GPC5: variants seen among roughly 807,000 people sequenced by gnomAD.
GPC5 encodes the protein glypican 5.
In GPC5, 47 loss-of-function variants were observed where a neutral mutation model predicts 53.9. The observed-to-expected ratio is 0.87, with a 90% CI of 0.69 to 1.11. GPC5 has a LOEUF of 1.11. GPC5 is among the 50% of genes most tolerant of loss of function. The pLI, the probability that GPC5 is intolerant of heterozygous loss-of-function variation, is 0.00. For missense variants in GPC5, 748 were observed against 713.1 expected, an observed-to-expected ratio of 1.05 and a Z score of -0.56; for synonymous variants, 286 against 263.3, an observed-to-expected ratio of 1.09 and a Z score of -0.84.
At chr13:91,843,452 G>A (rs2038812848) in intron 5 of GPC5, among the ~76,000 whole-genome samples, 1 of 152,172 alleles carries the variant, frequency 6.6e-6, no homozygotes, top group Non-Finnish European at 1.5e-5. Flanking sequence ...CTGCTGAAAT[G>A]TACAAAGGTG....
At chr13:92,090,587 C>G (rs1385809819) in intron 6 of GPC5, among the ~76,000 whole-genome samples, 1 of 152,064 alleles carries the variant, frequency 6.6e-6, no homozygotes, top group Non-Finnish European at 1.5e-5. Flanking sequence ...GCTTAGAATC[C>G]ACCAATTTAT....
chr13:92,076,947 A>G (rs1356338028), intron 6 of GPC5, among the ~76,000 whole-genome samples: 1 of 152,240 alleles, frequency 6.6e-6, no homozygotes, highest in African/African-American at 2.4e-5. Flanking sequence ...AGCCACTATA[A>G]GACTTCAGAA....
intron 2 of GPC5, among the ~76,000 whole-genome samples, chr13:91,573,454 C>T (rs773579078): frequency 1.3e-5 from 2 of 152,058 alleles, no homozygotes; most frequent in African/African-American, 2.4e-5. Flanking sequence ...TGATCCTATG[C>T]GTATTACAAA....
intron 5 of GPC5, 100 bp from the exon 6 acceptor site, chr13:91,907,837 T>C: frequency 8.0e-7 from 1 of 1,242,754 alleles, no homozygotes; most frequent in South Asian, 1.3e-5. Context: ...TGGTGTATTC[T>C]CTAAAGGAGG....
chr13:92,512,165 T>C (rs557570495), intron 7 of GPC5, among the ~76,000 whole-genome samples: 3 of 152,184 alleles, frequency 2.0e-5, no homozygotes, highest in African/African-American at 7.2e-5. Context: ...AACTAAATTT[T>C]CTCCCCGATT....
chr13:92,790,401 A>C (rs546765709), intron 7 of GPC5, among the ~76,000 whole-genome samples: 1 of 152,318 alleles, frequency 6.6e-6, no homozygotes, highest in Non-Finnish European at 1.5e-5. Context: ...AGCAGAGGCA[A>C]CTATGGTATT....
intron 7 of GPC5, among the ~76,000 whole-genome samples, chr13:92,759,089 C>T (rs563338506): frequency 2.6e-4 from 37 of 141,260 alleles, no homozygotes; most frequent in African/African-American, 9.0e-4. Context: ...TACTCTATCC[C>T]ACTGGTCCAC....
intron 2 of GPC5, among the ~76,000 whole-genome samples, chr13:91,598,256 A>T (rs1157348932): frequency 6.6e-6 from 1 of 152,172 alleles, no homozygotes; most frequent in Non-Finnish European, 1.5e-5. Context: ...GGTAGAAACT[A>T]GCTTGTAAAG....
intron 7 of GPC5, among the ~76,000 whole-genome samples, chr13:92,246,787 T>C (rs1162330483): frequency 6.6e-6 from 1 of 152,176 alleles, no homozygotes; most frequent in Non-Finnish European, 1.5e-5. Flanking sequence ...TTTATCACAG[T>C]TAGACACAGT....
At chr13:91,857,876 C>T (rs1214721589) in intron 5 of GPC5, among the ~76,000 whole-genome samples, 1 of 151,460 alleles carries the variant, frequency 6.6e-6, no homozygotes, top group African/African-American at 2.4e-5. Flanking sequence ...CTATTCAGAT[C>T]ACTATATGGA....
intron 7 of GPC5, among the ~76,000 whole-genome samples, chr13:92,812,220 A>G (rs1877323742): frequency 6.6e-6 from 1 of 151,932 alleles, no homozygotes; most frequent in Non-Finnish European, 1.5e-5. Flanking sequence ...CAGGAGCACA[A>G]GTTTTCTTTT....
intron 7 of GPC5, among the ~76,000 whole-genome samples, chr13:92,354,615 A>T (rs1029050901): frequency 6.6e-6 from 1 of 152,224 alleles, no homozygotes; most frequent in African/African-American, 2.4e-5. Flanking sequence ...GTAAACAAAC[A>T]TATAAAACTA....
intron 6 of GPC5, among the ~76,000 whole-genome samples, chr13:92,037,269 A>C (rs1566406311): frequency 2.0e-5 from 3 of 151,998 alleles, no homozygotes; most frequent in African/African-American, 7.2e-5. Context: ...TTTTCTTGCT[A>C]TTCCTCCAAA....
chr13:91,436,573 C>A (rs1461980122), intron 1 of GPC5, among the ~76,000 whole-genome samples: 1 of 152,090 alleles, frequency 6.6e-6, no homozygotes, highest in Non-Finnish European at 1.5e-5. Flanking sequence ...AATTTCTGTT[C>A]TTTTACATTT....
chr13:92,304,315 C>T (rs1445904819), intron 7 of GPC5, among the ~76,000 whole-genome samples: 2 of 151,970 alleles, frequency 1.3e-5, no homozygotes, highest in Non-Finnish European at 2.9e-5. Flanking sequence ...CATCATTCTC[C>T]TGCCTCAGCC....
At chr13:91,862,636 C>T (rs1410523673) in intron 5 of GPC5, among the ~76,000 whole-genome samples, 1 of 152,026 alleles carries the variant, frequency 6.6e-6, no homozygotes, top group Non-Finnish European at 1.5e-5. Flanking sequence ...ATAGATGATT[C>T]TATATATTAC....
At chr13:92,147,391 G>T (rs1328832012) in intron 7 of GPC5, among the ~76,000 whole-genome samples, 1 of 151,842 alleles carries the variant, frequency 6.6e-6, no homozygotes, top group Non-Finnish European at 1.5e-5. Flanking sequence ...TTTTGTGTGT[G>T]AGTGTGTGTG....
intron 6 of GPC5, among the ~76,000 whole-genome samples, chr13:92,102,112 TAAG>T: frequency 6.6e-6 from 1 of 151,986 alleles, no homozygotes; most frequent in Non-Finnish European, 1.5e-5. Context: ...GAATTTTCCT[TAAG>T]AAAACAAACA....
chr13:92,449,262 T>G (rs1240431302), intron 7 of GPC5, among the ~76,000 whole-genome samples: 2 of 152,194 alleles, frequency 1.3e-5, no homozygotes, highest in African/African-American at 4.8e-5. Flanking sequence ...TTTCTTATTT[T>G]GGTGCCAGTG....
Sources: allele counts gnomAD v4.1 joint callset (sites outside exome capture counted in the v4.1 genomes callset), GRCh38; gene constraint gnomAD v4.1.1; transcripts MANE v1.5; gene names NCBI Gene and HGNC (gene_info 2026-07-23, HGNC 2026-07-21).